AZIN1: variants seen among roughly 807,000 people sequenced by gnomAD.
AZIN1 encodes the protein ornithine decarboxylase antizyme inhibitor.
A neutral mutation model predicts 47.4 loss-of-function variants in AZIN1; 12 were observed. The observed-to-expected ratio is 0.25, with a 90% CI of 0.16 to 0.41. AZIN1 has a LOEUF of 0.41. Among genes scored for constraint, AZIN1 ranks in the 10% least tolerant of loss-of-function variants. The pLI is 1.00. For synonymous variants in AZIN1, 155 were observed against 176.3 expected, an observed-to-expected ratio of 0.88 and a Z score of 0.96; for missense variants, 410 against 532.4, an observed-to-expected ratio of 0.77 and a Z score of 2.26.
chr8:102,863,605 A>C (rs1813901675), intron 1 of AZIN1, among the ~76,000 whole-genome samples: 1 of 143,996 alleles, frequency 6.9e-6, no homozygotes, highest in Admixed American at 6.9e-5. Context: ...GAAGGTCCTG[A>C]GGCGCGGCCC....
At chr8:102,837,211 C>A (rs1198862833) in intron 5 of AZIN1, among the ~76,000 whole-genome samples, 3 of 152,170 alleles carry the variant, frequency 2.0e-5, no homozygotes, top group Non-Finnish European at 4.4e-5. Context: ...TGAGCTACTG[C>A]GCCCAACCCA....
Position 102,834,707 on chromosome 8 carries a change from C to T in AZIN1, c.625G>A (p.Val209Ile), listed in dbSNP as rs763664481. ...SSACKESQVY[V>I]HALSDARCVF... ...CATCGAGCATCAGATAGAGCATGTA[C>T]ATATACTTGAGATTCTTTGCAAGCA... Residue 209 changes from valine (V) to isoleucine (I), a missense_variant, in exon 7 of 12, where the codon GTA becomes ATA. Physicochemically the swap from Val to Ile is conservative, Grantham distance 29. This residue lies in a region of AZIN1 where 237 missense variants were observed against 309.4 expected (regional missense o/e 0.77). Transcript: ENST00000337198. The T allele has an allele frequency of 1.2e-6, 2 of 1,612,306 alleles. No homozygotes were observed. Among genetic ancestry groups the T allele is most frequent in the Non-Finnish European group, 1.7e-6 (2 of 1,178,992 alleles).
chr8:102,833,469 TTTG>T (rs919142469), intron 8 of AZIN1, among the ~76,000 whole-genome samples: 5 of 137,016 alleles, frequency 3.6e-5, no homozygotes, highest in Admixed American at 1.4e-4. Flanking sequence ...GGTATTTGTT[TTTG>T]TTTTTTTTTA....
intron 1 of AZIN1, 148 bp downstream of exon 1, chr8:102,863,659 A>AGCC (rs1488372043): frequency 6.7e-6 from 1 of 149,970 alleles, no homozygotes; most frequent in Non-Finnish European, 1.5e-5. Context: ...GGGCACAGAC[A>AGCC]GCCGCCGCCG....
intron 1 of AZIN1, among the ~76,000 whole-genome samples, chr8:102,863,580 G>A (rs868417553): frequency 6.7e-6 from 1 of 150,366 alleles, no homozygotes; most frequent in Non-Finnish European, 1.5e-5. Context: ...TCCGCCAAGC[G>A]TCCAGCAGCC....
rs546511877 is a variant in AZIN1, at chr8:102,860,425, G to T, written c.-233-2275C>A. On this transcript the variant is annotated intron_variant, in intron 1 of 11. Transcript: ENST00000337198. ...TTACAGGCATGTGCCACCATGCCCG[G>T]CTAATTTTTTTGTATTTTTAGTAGA... 3.3e-5 allele frequency among the ~76,000 whole-genome samples: 5 copies of T among 152,140 alleles called. No individual in the cohort carries two copies. The South Asian group carries it at 1.0e-3, about 32-fold the overall frequency.
chr8:102,861,728 T>C (rs1011920950), intron 1 of AZIN1, among the ~76,000 whole-genome samples: 29 of 151,346 alleles, frequency 1.9e-4, no homozygotes, highest in Non-Finnish European at 2.9e-5. Flanking sequence ...TAGACGAAAA[T>C]AATCTATGGG....
intron 1 of AZIN1, among the ~76,000 whole-genome samples, chr8:102,862,137 A>G (rs1194034797): frequency 6.6e-6 from 1 of 152,160 alleles, no homozygotes; most frequent in Non-Finnish European, 1.5e-5. Flanking sequence ...CATCTTGACA[A>G]AAGGTTTAGG....
chr8:102,833,623 G>A (rs1341350514), intron 8 of AZIN1, among the ~76,000 whole-genome samples: 5 of 152,100 alleles, frequency 3.3e-5, no homozygotes, highest in Non-Finnish European at 5.9e-5. Flanking sequence ...GCTAAAGTTG[G>A]CTGGGAGTGG....
intron 3 of AZIN1, 22 bp downstream of exon 3, chr8:102,843,529 G>A (rs757071737): frequency 1.3e-6 from 2 of 1,587,104 alleles, no homozygotes; most frequent in Middle Eastern, 1.7e-4. Flanking sequence ...GACAAACACT[G>A]TATTTGAGAA....
chr8:102,851,983 T>C (rs1245712344), intron 2 of AZIN1, among the ~76,000 whole-genome samples: 1 of 152,214 alleles, frequency 6.6e-6, no homozygotes, highest in Non-Finnish European at 1.5e-5. Context: ...TTCAAGTCTT[T>C]TGCTCAGTTT....
intron 9 of AZIN1, 131 bp from the exon 10 acceptor site, chr8:102,830,067 G>A (rs1483189760): frequency 3.1e-6 from 2 of 652,898 alleles, no homozygotes; most frequent in African/African-American, 3.7e-5. Flanking sequence ...TTTCACAAAG[G>A]AAGATAACCA....
In AZIN1 at chr8:102,829,414, C is replaced by A; in HGVS notation, c.1093G>T (p.Val365Leu). Residue 365 changes from valine to leucine, a missense_variant, in exon 11 of 12, where the codon GTG (valine) becomes TTG (leucine). Around this residue, in one of 3 missense-constraint regions of AZIN1, gnomAD observed 168 missense variants for 198.3 expected, o/e 0.85. Transcript: ENST00000337198. ...AGCTCAGGAAGAAGACAGCTTTCCA[C>A]AATTTGATCAAGCTCATCACAGGAT... ...GPSCDELDQI[V>L]ESCLLPELNV... The A allele has an allele frequency of 1.9e-6, 3 of 1,614,058 alleles. No homozygotes were observed. Among genetic ancestry groups the A allele is most frequent in the Non-Finnish European group, 1.7e-6 (2 of 1,179,954 alleles).
Position 102,827,817 on chromosome 8 carries a change from T to G in AZIN1, c.*750A>C, listed in dbSNP as rs961469206. The G allele has an allele frequency of 1.3e-5, 2 of 152,558 alleles. No individual in the cohort carries two copies. Among genetic ancestry groups the G allele is most frequent in the Non-Finnish European group, 2.9e-5 (2 of 68,028 alleles). The allele number at this position is 152,558 out of a possible 1,614,324, so 9.5% of individuals were successfully genotyped here. A position where few individuals can be genotyped will look rare whatever the true frequency, so the allele number is the denominator to read the frequency against. On this transcript the variant is annotated 3_prime_UTR_variant, in exon 12 of 12. Transcript: ENST00000337198. Reference sequence around the variant, plus strand: ...TCAACTCTCCATAATGAATCTGAACTTCACAATGATTTACCAAACACTTTA... The same window carrying G: ...TCAACTCTCCATAATGAATCTGAACGTCACAATGATTTACCAAACACTTTA...
chr8:102,842,751 C>T (rs1325403768), intron 3 of AZIN1, among the ~76,000 whole-genome samples: 1 of 151,638 alleles, frequency 6.6e-6, no homozygotes, highest in Non-Finnish European at 1.5e-5. Context: ...AACCACTTAG[C>T]TGGGCATGGT....
intron 7 of AZIN1, 77 bp downstream of exon 7, chr8:102,834,589 G>A: frequency 9.7e-7 from 1 of 1,035,260 alleles, no homozygotes; most frequent in Non-Finnish European, 1.4e-6. Context: ...AATTCACACA[G>A]GCAGAAAATA....
chr8:102,836,421 T>C, intron 5 of AZIN1, 31 bp from the exon 6 acceptor site: 1 of 1,609,308 alleles, frequency 6.2e-7, no homozygotes, highest in African/African-American at 1.3e-5. Flanking sequence ...TGGGGCAGAG[T>C]TGGTTTACAT....
chr8:102,836,415 G>A (rs757412618), intron 5 of AZIN1, 25 bp from the exon 6 acceptor site: 1 of 1,611,582 alleles, frequency 6.2e-7, no homozygotes, highest in African/African-American at 1.3e-5. Context: ...GATGATTGGG[G>A]CAGAGTTGGT....
At chr8:102,852,552 A>G (rs143069630) in intron 2 of AZIN1, among the ~76,000 whole-genome samples, 5 of 152,290 alleles carry the variant, frequency 3.3e-5, no homozygotes, top group Non-Finnish European at 5.9e-5. Flanking sequence ...CCTGGGCAAC[A>G]AAGGTGAAAC....
Sources: allele counts gnomAD v4.1 joint callset (sites outside exome capture counted in the v4.1 genomes callset), GRCh38; gene constraint gnomAD v4.1.1; regional missense constraint gnomAD v4.1.1; transcripts MANE v1.5; gene names NCBI Gene and HGNC (gene_info 2026-07-23, HGNC 2026-07-21).